SMARCAD1: variants seen among roughly 807,000 people sequenced by gnomAD.
SMARCAD1 encodes the protein SNF2 related chromatin remodeling ATPase with DExD box 1.
A neutral mutation model predicts 127.1 loss-of-function variants in SMARCAD1; 25 were observed. The observed-to-expected ratio is 0.20, with a 90% CI of 0.14 to 0.27. The LOEUF is 0.27. SMARCAD1 is among the 10% of genes least tolerant of loss of function. SMARCAD1 has a pLI of 1.00. For missense variants in SMARCAD1, 807 were observed against 1,206.0 expected (o/e 0.67, Z 4.90); for synonymous variants, 400 against 396.9 (o/e 1.01, Z -0.09).
intron 2 of SMARCAD1, among the ~76,000 whole-genome samples, chr4:94,224,081 A>C (rs1323759593): frequency 6.6e-6 from 1 of 152,046 alleles, no homozygotes; most frequent in African/African-American, 2.4e-5. Flanking sequence ...AGGAGTTTGG[A>C]CTGTTTTATT....
chr4:94,227,947 T>C (rs1745271130), intron 3 of SMARCAD1, among the ~76,000 whole-genome samples: 1 of 152,208 alleles, frequency 6.6e-6, no homozygotes, highest in Admixed American at 6.5e-5. Context: ...AGGGGAACTC[T>C]GGATTTTTAG....
chr4:94,223,488 G>A (rs1744489748), intron 2 of SMARCAD1, among the ~76,000 whole-genome samples: 2 of 151,956 alleles, frequency 1.3e-5, no homozygotes, highest in Admixed American at 1.3e-4. Context: ...GCGAGACTCT[G>A]TCTCAAAAAT....
intron 9 of SMARCAD1, among the ~76,000 whole-genome samples, chr4:94,259,371 A>G (rs958320194): frequency 2.6e-5 from 4 of 152,190 alleles, no homozygotes; most frequent in Non-Finnish European, 4.4e-5. Context: ...AATTCATTCA[A>G]TTAAACTCTT....
At position 94,276,296 on chromosome 4, in the gene SMARCAD1, C is replaced by G. The variant is rs376060629; in HGVS notation, c.1809-43C>G. ...ATTAAATTTCACTAGACTCCAAGCT[C>G]TTAAAGGTATAACCTTAGAGATGTT... On this transcript the variant is annotated intron_variant, in intron 14 of 23. Coordinates refer to ENST00000354268, the MANE Select transcript of SMARCAD1 (RefSeq NM_020159.5). The G allele has an allele frequency of 5.0e-6, 8 of 1,611,178 alleles. No individual in the cohort carries two copies. In the African/African-American group the frequency reaches 1.1e-4, roughly 22 times the overall value.
intron 9 of SMARCAD1, among the ~76,000 whole-genome samples, chr4:94,254,709 C>G (rs1429625052): frequency 1.3e-5 from 2 of 152,040 alleles, no homozygotes; most frequent in African/African-American, 4.8e-5. Flanking sequence ...TTTTATGTAA[C>G]AGTCTAAATG....
chr4:94,281,745 G>C (rs989845497), intron 21 of SMARCAD1, among the ~76,000 whole-genome samples, 155 bp downstream of exon 21: 1 of 152,106 alleles, frequency 6.6e-6, no homozygotes, highest in South Asian at 2.1e-4. Context: ...CAATGGTCAG[G>C]CATGGTGGCT....
intron 16 of SMARCAD1, among the ~76,000 whole-genome samples, chr4:94,277,537 A>G (rs1753476958): frequency 6.6e-6 from 1 of 152,248 alleles, no homozygotes; most frequent in African/African-American, 2.4e-5. Flanking sequence ...ACAAAGCTAG[A>G]ATATCCAGAA....
At chr4:94,284,873 A>T in intron 22 of SMARCAD1, 87 bp from the exon 23 acceptor site, 1 of 832,360 alleles carries the variant, frequency 1.2e-6, no homozygotes, top group Non-Finnish European at 2.0e-6. Context: ...TTTTCAAAGT[A>T]TTCTTTTTGA....
chr4:94,240,878 G>GT lies in SMARCAD1; in HGVS notation c.605-25dup, dbSNP rs769293514. On this transcript the variant is annotated intron_variant, in intron 5 of 23. Transcript: ENST00000354268. The stretch of plus-strand genomic sequence containing the variant: ...TGATTTTTTGCTATTTCTGTGCAAA[G>GT]TTTGAGTGTGCTGCTCTGCTTTAAA... 3.8e-5 allele frequency: 60 copies of GT among 1,567,472 alleles called. No individual in the cohort carries two copies. The African/African-American group carries it at 7.2e-4, about 19-fold the overall frequency.
intron 22 of SMARCAD1, among the ~76,000 whole-genome samples, chr4:94,284,108 T>C (rs1324773547): frequency 6.6e-6 from 1 of 150,568 alleles, no homozygotes; most frequent in Non-Finnish European, 1.5e-5. Flanking sequence ...GATCACGAAG[T>C]CAGGAGATCA....
At chr4:94,271,478 C>G (rs557717664) in intron 11 of SMARCAD1, among the ~76,000 whole-genome samples, 1 of 152,094 alleles carries the variant, frequency 6.6e-6, no homozygotes. Flanking sequence ...TAAAATGAGT[C>G]ATGTTCAGCA....
chr4:94,234,619 G>C (rs544219190), intron 4 of SMARCAD1, among the ~76,000 whole-genome samples: 1 of 152,188 alleles, frequency 6.6e-6, no homozygotes. Flanking sequence ...GAAATGTAAA[G>C]TGATGTTTAG....
At chr4:94,273,949 C>A (rs754127131) in intron 12 of SMARCAD1, among the ~76,000 whole-genome samples, 1 of 151,962 alleles carries the variant, frequency 6.6e-6, no homozygotes, top group South Asian at 2.1e-4. Context: ...AATTTTAGAC[C>A]AAGGACGATT....
chr4:94,250,271 A>G (rs905846533), intron 7 of SMARCAD1, among the ~76,000 whole-genome samples: 14 of 151,974 alleles, frequency 9.2e-5, no homozygotes, highest in African/African-American at 4.8e-5. Context: ...ATAGAAGCAC[A>G]TATTTGTTTA....
At chr4:94,207,672 C>T (rs1320439692), upstream of SMARCAD1, 1 of 155,196 alleles carries the variant, frequency 6.4e-6, no homozygotes, top group Non-Finnish European at 1.4e-5. Flanking sequence ...CTACCGTCGC[C>T]CCACGCTAGG....
At chr4:94,284,648 A>G (rs1307519276) in intron 22 of SMARCAD1, among the ~76,000 whole-genome samples, 4 of 142,910 alleles carry the variant, frequency 2.8e-5, no homozygotes, top group Non-Finnish European at 4.5e-5. Context: ...TGATCGGCTG[A>G]TCTCGAACTG....
intron 3 of SMARCAD1, among the ~76,000 whole-genome samples, chr4:94,232,712 G>A (rs1267070779): frequency 6.6e-6 from 1 of 152,148 alleles, no homozygotes; most frequent in East Asian, 1.9e-4. Context: ...CAGCACTTTG[G>A]AAGGCCAAGG....
chr4:94,254,383 A>G (rs1200717654), intron 9 of SMARCAD1, among the ~76,000 whole-genome samples: 1 of 152,090 alleles, frequency 6.6e-6, no homozygotes, highest in African/African-American at 2.4e-5. Flanking sequence ...ATTCTAATTT[A>G]TTTAATAAGA....
chr4:94,208,072 T>C lies in SMARCAD1; in HGVS notation c.-50+2T>C. ...GGGAACGTGCCTGCGCGTGCTTGGGTAAGAGGAGGTTGCATGAGGGTCAGC... is the reference window on the plus strand; with the variant it reads ...GGGAACGTGCCTGCGCGTGCTTGGGCAAGAGGAGGTTGCATGAGGGTCAGC... On this transcript the variant is annotated splice_donor_variant, in intron 1 of 23. Transcript: ENST00000354268. LOFTEE classifies it low-confidence loss of function (5UTR_SPLICE). 2.0e-6 allele frequency: 1 copy of C among 502,204 alleles called. No individual in the cohort carries two copies. 31.1% of individuals were successfully genotyped at this position (502,204 alleles called of 1,614,324 possible).
Sources: gnomAD v4.1 joint callset for allele counts (sites outside exome capture counted in the v4.1 genomes callset) on GRCh38, gnomAD v4.1.1 for gene constraint, MANE v1.5 for transcripts, NCBI Gene and HGNC (gene_info 2026-07-23, HGNC 2026-07-21) for gene names.